KCNT1: variants seen among roughly 807,000 people sequenced by gnomAD.
KCNT1 encodes potassium sodium-activated channel subfamily T member 1, also known as potassium channel subfamily T member 1.
In KCNT1, 78 loss-of-function variants were observed where a neutral mutation model predicts 147.8. The observed-to-expected ratio is 0.53, with a 90% CI of 0.44 to 0.64. The LOEUF (loss-of-function observed/expected upper bound fraction) is 0.64. Among genes scored for constraint, KCNT1 ranks in the 30% least tolerant of loss-of-function variants. KCNT1 has a pLI of 0.00. For missense variants in KCNT1, 1,419 were observed against 1,750.3 expected, an observed-to-expected ratio of 0.81 and a Z score of 3.38; for synonymous variants, 867 against 748.8, an observed-to-expected ratio of 1.16 and a Z score of -2.58.
intron 2 of KCNT1, among the ~76,000 whole-genome samples, chr9:135,739,757 A>G (rs1320384351): frequency 1.3e-5 from 2 of 151,746 alleles, no homozygotes; most frequent in African/African-American, 4.8e-5. Flanking sequence ...CCTTCTTTCC[A>G]CACAGTGCTC....
At chr9:135,773,868 A>G (rs759130097) in intron 19 of KCNT1, among the ~76,000 whole-genome samples, 1 of 152,224 alleles carries the variant, frequency 6.6e-6, no homozygotes, top group Non-Finnish European at 1.5e-5. Flanking sequence ...GCCCAAGGCC[A>G]GAGTGCCTGC....
At chr9:135,729,967 C>T (rs944767020) in intron 2 of KCNT1, among the ~76,000 whole-genome samples, 4 of 152,150 alleles carry the variant, frequency 2.6e-5, no homozygotes, top group Admixed American at 1.3e-4. Flanking sequence ...GCTCTTGGCC[C>T]CCTCTGAAGG....
At position 135,784,139 on chromosome 9, in the gene KCNT1, C is replaced by T. The variant is rs562923809; in HGVS notation, c.2943+14C>T. On this transcript the variant is annotated intron_variant, in intron 25 of 30. Transcript: ENST00000371757. ...CTGCTCTACCAGGTCAGCGGGGAAG[C>T]GGCAGCAGGAGGGTGGCGCCTGGGT... 61 of 1,597,636 alleles carry T rather than the reference C, an allele frequency of 3.8e-5. No homozygotes were observed. Among genetic ancestry groups the T allele is most frequent in the South Asian group, 1.5e-4 (14 of 90,996 alleles).
chr9:135,783,710 G>A lies in KCNT1; in HGVS notation c.2842-314G>A, dbSNP rs1024364756. On this transcript the variant is annotated intron_variant, in intron 24 of 30. Transcript: ENST00000371757. ...AGGATTTGGAATTTCGGGATGGCAAGAGCAGGGCGCTTGACCAAGCGCAGT... is the reference window on the plus strand; with the variant it reads ...AGGATTTGGAATTTCGGGATGGCAAAAGCAGGGCGCTTGACCAAGCGCAGT... Among the ~76,000 whole-genome samples the A allele has an allele frequency of 9.8e-5, 15 of 152,378 alleles. No homozygotes were observed. In the South Asian group the frequency reaches 2.5e-3, roughly 25 times the overall value.
In KCNT1 at chr9:135,747,347, G is replaced by A. The variant is rs555137109; in HGVS notation, c.255-2751G>A. 2.4e-3 allele frequency among the ~76,000 whole-genome samples: 370 copies of A among 151,956 alleles called. 2 individuals are homozygous for A. The highest frequency in any genetic ancestry group is 8.3e-3 in the African/African-American group (346 of 41,440). ...TGGAGGGCGGGACAGTGGTAGGGAG[G>A]CGGGGAGGGTGGGTTCCTAAGCTCC... On this transcript the variant is annotated intron_variant, in intron 2 of 30. Transcript: ENST00000371757.
At chr9:135,718,438 G>C (rs527427845) in intron 2 of KCNT1, among the ~76,000 whole-genome samples, 3 of 152,356 alleles carry the variant, frequency 2.0e-5, no homozygotes, top group Admixed American at 2.0e-4. Context: ...CTGGGATGGG[G>C]TCCTGGGCTG....
rs771931121 is a variant in KCNT1, at chr9:135,770,392, T to C, written c.1714T>C (p.Phe572Leu). ...CATCCGCATGGGTGACAGCAAGTTC[T>C]TCCGCGAGTACGAGGGCAAGAGCTT... ...YHIRMGDSKF[F>L]REYEGKSFTY... Residue 572 changes from phenylalanine to leucine, a missense_variant, in exon 17 of 31, where the codon TTC (phenylalanine) becomes CTC (leucine). Coordinates refer to ENST00000371757, the MANE Select transcript of KCNT1 (RefSeq NM_020822.3). 1 of 1,613,324 alleles carries C rather than the reference T, an allele frequency of 6.2e-7. No homozygotes were observed. The highest frequency in any genetic ancestry group is 1.1e-5 in the South Asian group (1 of 91,076).
At position 135,724,427 on chromosome 9, in the gene KCNT1, G is replaced by A. The variant is rs550044968; in HGVS notation, c.254+9707G>A. Among the ~76,000 whole-genome samples the A allele has an allele frequency of 4.1e-4, 62 of 152,362 alleles. 1 individual carries two copies. The highest frequency in any genetic ancestry group is 1.5e-3 in the African/African-American group (61 of 41,592). ...GGCAGGCACAGCCTTGTGGTGGCCA[G>A]AGAACCAGGTCCTCACCTGCAGGAT... On this transcript the variant is annotated intron_variant, in intron 2 of 30. Transcript: ENST00000371757.
At chr9:135,718,450 G>A (rs1372266933) in intron 2 of KCNT1, among the ~76,000 whole-genome samples, 3 of 152,218 alleles carry the variant, frequency 2.0e-5, no homozygotes, top group African/African-American at 7.2e-5. Context: ...CCTGGGCTGT[G>A]GACGGAAGGG....
intron 4 of KCNT1, among the ~76,000 whole-genome samples, chr9:135,751,453 C>T (rs1308682904): frequency 6.6e-6 from 1 of 152,086 alleles, no homozygotes; most frequent in Non-Finnish European, 1.5e-5. Context: ...TCTACCCCTC[C>T]TGGGTCCCAA....
At chr9:135,740,051 C>A (rs1269531191) in intron 2 of KCNT1, among the ~76,000 whole-genome samples, 1 of 152,206 alleles carries the variant, frequency 6.6e-6, no homozygotes. Flanking sequence ...CCTGTGTCCT[C>A]TCCTGGCCGT....
intron 2 of KCNT1, among the ~76,000 whole-genome samples, chr9:135,724,035 C>T (rs1177342768): frequency 9.2e-5 from 14 of 152,214 alleles, no homozygotes; most frequent in Admixed American, 9.2e-4. Context: ...CCGGGAAGCT[C>T]CATGCCCTCC....
intron 24 of KCNT1, among the ~76,000 whole-genome samples, chr9:135,781,811 A>T (rs1438053190): frequency 2.0e-5 from 3 of 152,198 alleles, no homozygotes; most frequent in Admixed American, 6.5e-5. Flanking sequence ...TGCCAGGTGC[A>T]GCGGCTCATG....
chr9:135,739,657 C>T (rs548448643), intron 2 of KCNT1, among the ~76,000 whole-genome samples: 1 of 152,266 alleles, frequency 6.6e-6, no homozygotes, highest in South Asian at 2.1e-4. Flanking sequence ...CAGATGGCCT[C>T]TCTCCCAGGA....
intron 2 of KCNT1, among the ~76,000 whole-genome samples, chr9:135,726,556 T>G (rs1836150384): frequency 6.6e-6 from 1 of 152,062 alleles, no homozygotes; most frequent in Non-Finnish European, 1.5e-5. Flanking sequence ...GTAAGCCAAG[T>G]TCTGCTACGG....
Position 135,794,272 on chromosome 9 carries a change from T to C in KCNT1, c.*2111T>C, listed in dbSNP as rs1834717495. ...GTCCCCTGTGGCCACTCCACCACCA[T>C]GAGGCCGGGAGGCATCTTAGCCTTT... On this transcript the variant is annotated 3_prime_UTR_variant, in exon 31 of 31. Transcript: ENST00000371757. 1 of 152,250 alleles carries C rather than the reference T, an allele frequency of 6.6e-6. No individual in the cohort carries two copies. Among genetic ancestry groups the C allele is most frequent in the African/African-American group, 2.4e-5 (1 of 41,458 alleles). 9.4% of individuals were successfully genotyped at this position (152,250 alleles called of 1,614,324 possible).
chr9:135,702,668 G>A (rs1457593114), intron 1 of KCNT1, among the ~76,000 whole-genome samples: 1 of 152,104 alleles, frequency 6.6e-6, no homozygotes, highest in African/African-American at 2.4e-5. Context: ...CAGGTGTGGG[G>A]AGTGGCAGGG....
At chr9:135,713,634 G>C (rs566467036) in intron 1 of KCNT1, among the ~76,000 whole-genome samples, 8 of 152,266 alleles carry the variant, frequency 5.3e-5, no homozygotes, top group Admixed American at 3.3e-4. Context: ...CCCTGCCCGT[G>C]GGGGAGCCAG....
rs369531638 is a variant in KCNT1, at chr9:135,764,898, T to A, written c.1036-133T>A. ...TTCCATGTGGGAAAGGCCCCCCTAA[T>A]GTAGGTGTCACCCCCCGGCCGGCCC... On this transcript the variant is annotated intron_variant, in intron 11 of 30. Transcript: ENST00000371757. 31 of 822,094 alleles carry A rather than the reference T, an allele frequency of 3.8e-5. No homozygotes were observed. The East Asian group carries it at 8.4e-4, about 22-fold the overall frequency. 50.9% of individuals were successfully genotyped at this position (822,094 alleles called of 1,614,324 possible).
Sources: gnomAD v4.1 joint callset for allele counts (sites outside exome capture counted in the v4.1 genomes callset) on GRCh38, gnomAD v4.1.1 for gene constraint, MANE v1.5 for transcripts, NCBI Gene and HGNC (gene_info 2026-07-23, HGNC 2026-07-21) for gene names.